SUSD4: variants seen among roughly 807,000 people sequenced by gnomAD.
SUSD4 encodes sushi domain containing 4, also known as sushi domain-containing protein 4.
In SUSD4, 41 loss-of-function variants were observed where a neutral mutation model predicts 50.5. The ratio of observed to expected loss-of-function variants is 0.81; its 90% CI spans 0.63 to 1.05. SUSD4 has a LOEUF of 1.05. Among genes scored for constraint, SUSD4 ranks in the 50% least tolerant of loss-of-function variants. The pLI, the probability that SUSD4 is intolerant of heterozygous loss-of-function variation, is 0.00. For missense variants in SUSD4, 580 were observed against 634.7 expected, an observed-to-expected ratio of 0.91 and a Z score of 0.93; for synonymous variants, 257 against 257.3, an observed-to-expected ratio of 1.00 and a Z score of 0.01.
chr1:223,363,900 C>A (rs1669158392), intron 1 of SUSD4, 157 bp downstream of exon 1: 1 of 153,030 alleles, frequency 6.5e-6, no homozygotes, highest in African/African-American at 2.4e-5. Context: ...GGATTGGGAT[C>A]GATCCTACTG....
At chr1:223,315,433 T>C (rs1666125460) in intron 2 of SUSD4, among the ~76,000 whole-genome samples, 1 of 152,242 alleles carries the variant, frequency 6.6e-6, no homozygotes, top group Non-Finnish European at 1.5e-5. Flanking sequence ...TTTCAGGTTT[T>C]TGCATTTCTG....
At chr1:223,328,109 G>T (rs1666979872) in intron 2 of SUSD4, among the ~76,000 whole-genome samples, 1 of 151,202 alleles carries the variant, frequency 6.6e-6, no homozygotes, top group African/African-American at 2.4e-5. Flanking sequence ...AAAAAAAAAA[G>T]TTTTTAAAAG....
At chr1:223,359,396 C>G (rs1439714515) in intron 2 of SUSD4, among the ~76,000 whole-genome samples, 2 of 152,198 alleles carry the variant, frequency 1.3e-5, no homozygotes, top group Non-Finnish European at 2.9e-5. Flanking sequence ...TATCCCTCCA[C>G]CTGAGATGCA....
chr1:223,289,426 A>G (rs2103139141), intron 3 of SUSD4: 1 of 448,608 alleles, frequency 2.2e-6, no homozygotes, highest in Non-Finnish European at 2.9e-6. Context: ...GAAAAGGGGG[A>G]ATGGCTGTAC....
At chr1:223,269,154 T>C (rs1383784153) in intron 3 of SUSD4, among the ~76,000 whole-genome samples, 1 of 152,204 alleles carries the variant, frequency 6.6e-6, no homozygotes, top group Admixed American at 6.5e-5. Flanking sequence ...AAATATGCTT[T>C]GCAAAACAGC....
At chr1:223,338,104 G>A (rs537183965) in intron 2 of SUSD4, among the ~76,000 whole-genome samples, 11 of 152,212 alleles carry the variant, frequency 7.2e-5, no homozygotes, top group Non-Finnish European at 1.6e-4. Context: ...ACAGTGCAGT[G>A]AAAAAACTTC....
intron 3 of SUSD4, among the ~76,000 whole-genome samples, chr1:223,284,660 G>A (rs1212426046): frequency 6.6e-6 from 1 of 152,172 alleles, no homozygotes; most frequent in Non-Finnish European, 1.5e-5. Context: ...TAAATGCCAT[G>A]GGATACTATT....
At chr1:223,276,148 T>C (rs552314325) in intron 3 of SUSD4, among the ~76,000 whole-genome samples, 37 of 152,370 alleles carry the variant, frequency 2.4e-4, no homozygotes, top group Admixed American at 4.6e-4. Flanking sequence ...TAATTCTGGA[T>C]AGTTTCAGTT....
rs1456630331 is a variant in SUSD4 at position 223,227,193 on chromosome 1, G to A, written c.1061+401C>T. ...TTTTGTTCACACACCTCTGACCTGT[G>A]TCCCAGTCAGCTGTGTGCGCATCTT... On this transcript the variant is annotated intron_variant, in intron 7 of 8. Coordinates refer to ENST00000366878, the MANE Select transcript of SUSD4 (RefSeq NM_017982.4). The surrounding 1 kb of genome is among the most constrained non-coding windows in gnomAD (Gnocchi z 4.5). 6.6e-6 allele frequency among the ~76,000 whole-genome samples: 1 copy of A among 152,094 alleles called. No homozygotes were observed. The highest frequency in any genetic ancestry group is 1.5e-5 in the Non-Finnish European group (1 of 68,040).
intron 2 of SUSD4, among the ~76,000 whole-genome samples, chr1:223,296,427 C>G (rs1282454577): frequency 6.6e-6 from 1 of 152,090 alleles, no homozygotes; most frequent in Non-Finnish European, 1.5e-5. Flanking sequence ...AATCTGAATT[C>G]TTGGGGATGC....
At chr1:223,292,929 G>A (rs1325095372) in intron 2 of SUSD4, among the ~76,000 whole-genome samples, 3 of 152,172 alleles carry the variant, frequency 2.0e-5, no homozygotes, top group South Asian at 2.1e-4. Context: ...GATTTCACAT[G>A]ACAAGTGCCA....
In SUSD4 at chr1:223,262,051, T is replaced by C. The variant is rs959901876; in HGVS notation, c.724+2579A>G. On this transcript the variant is annotated intron_variant, in intron 5 of 8. Coordinates refer to ENST00000366878, the MANE Select transcript of SUSD4 (RefSeq NM_017982.4). ...GGTCAGCTTGCACTGGTAATTGATA[T>C]GCTATGCTCCCTCCATGACCAGCCT... Among the ~76,000 whole-genome samples the C allele has an allele frequency of 3.9e-5, 6 of 152,184 alleles. No homozygotes were observed. In the South Asian group the frequency reaches 6.2e-4, roughly 16 times the overall value.
intron 5 of SUSD4, among the ~76,000 whole-genome samples, chr1:223,246,494 T>G (rs1660938357): frequency 6.6e-6 from 1 of 151,488 alleles, no homozygotes. Flanking sequence ...GCTCTTGATC[T>G]TGTTAAGACG....
chr1:223,287,243 A>T (rs1034993280), intron 3 of SUSD4, among the ~76,000 whole-genome samples: 5 of 152,072 alleles, frequency 3.3e-5, no homozygotes, highest in Non-Finnish European at 5.9e-5. Flanking sequence ...CACCTGACTA[A>T]TTTTTGTATT....
At position 223,223,416 on chromosome 1, in the gene SUSD4, T is replaced by G; in HGVS notation, c.1277A>C (p.Glu426Ala). The change falls in exon 8 of 9, where the codon GAG becomes GCG. Residue 426 changes from glutamate to alanine, a missense_variant. Glu to Ala is a moderately radical substitution (Grantham distance 107, BLOSUM62 -1). Transcript: ENST00000366878. ...GSGDTDTGPG[E>A]SETCDSVSGS... ...TGAGACGCTGTCACAGGTTTCTGAC[T>G]CCCCTGGGCCTGTGTCCGTGTCCCC... is the stretch of plus-strand genomic sequence containing the variant. 1.9e-6 allele frequency: 3 copies of G among 1,613,744 alleles called. No homozygotes were observed. The highest frequency in any genetic ancestry group is 2.5e-6 in the Non-Finnish European group (3 of 1,179,832).
intron 5 of SUSD4, among the ~76,000 whole-genome samples, chr1:223,238,780 C>T (rs1181780766): frequency 6.6e-6 from 1 of 151,820 alleles, no homozygotes; most frequent in African/African-American, 2.4e-5. Flanking sequence ...GGTGAGTGTT[C>T]CATATGGACT....
At chr1:223,364,807 C>T (rs1669227554), upstream of SUSD4, among the ~76,000 whole-genome samples, 1 of 152,126 alleles carries the variant, frequency 6.6e-6, no homozygotes, top group Non-Finnish European at 1.5e-5. This position sits in a 1 kb window ranked among gnomAD's most constrained non-coding sequence, Gnocchi z 4.5. Flanking sequence ...TGAGCACCGC[C>T]AATTGCCCGA....
At chr1:223,342,677 T>C (rs750253155) in intron 2 of SUSD4, among the ~76,000 whole-genome samples, 32 of 152,376 alleles carry the variant, frequency 2.1e-4, no homozygotes, top group Admixed American at 2.6e-4. Context: ...CAATAAATAC[T>C]GTTGGTACAA....
chr1:223,318,104 G>A (rs377476402), intron 2 of SUSD4, among the ~76,000 whole-genome samples: 8 of 49,802 alleles, frequency 1.6e-4, no homozygotes, highest in East Asian at 1.5e-3. Flanking sequence ...GAGAATATGC[G>A]GTGTTTGGTT....
Sources: allele counts gnomAD v4.1 joint callset (sites outside exome capture counted in the v4.1 genomes callset), GRCh38; gene constraint gnomAD v4.1.1; non-coding constraint Gnocchi (gnomAD v3.1); transcripts MANE v1.5; gene names NCBI Gene and HGNC (gene_info 2026-07-23, HGNC 2026-07-21).